Variants in PRDM1 observed in about 807,000 individuals in gnomAD.
PRDM1 encodes the protein PR domain zinc finger protein 1.
PRDM1 carries 13 observed loss-of-function variants against 62.8 expected under a neutral mutation model. That is an observed-to-expected ratio of 0.21 (90% CI 0.13 to 0.33). The LOEUF (loss-of-function observed/expected upper bound fraction) is 0.33, where lower values mean the gene tolerates loss of function less well. PRDM1 is among the 10% of genes least tolerant of loss of function. PRDM1 has a pLI of 1.00. For synonymous variants in PRDM1, 396 were observed against 417.6 expected (o/e 0.95, Z 0.63); for missense variants, 895 against 1,058.8 (o/e 0.85, Z 2.15).
At chr6:106,004,021 G>A (rs1172418519) in intron 1 of PRDM1, among the ~76,000 whole-genome samples, 2 of 152,068 alleles carry the variant, frequency 1.3e-5, no homozygotes, top group Non-Finnish European at 2.9e-5. Context: ...GTTTTTGTGG[G>A]TAATGCTCTC....
chr6:106,084,029 T>C (rs115376223), upstream of PRDM1, among the ~76,000 whole-genome samples: 1,564 of 152,334 alleles, frequency 0.01, 23 homozygotes, highest in African/African-American at 0.034. Flanking sequence ...TATGGACATG[T>C]TTTTTCCTAT....
chr6:106,100,795 C>A (rs184210381), intron 4 of PRDM1, among the ~76,000 whole-genome samples: 3 of 152,116 alleles, frequency 2.0e-5, no homozygotes, highest in Non-Finnish European at 4.4e-5. Context: ...TAGGGGAGGT[C>A]GTGTGTTTGG....
At chr6:106,025,496 TG>T (rs1772752053) in intron 1 of PRDM1, among the ~76,000 whole-genome samples, 1 of 152,212 alleles carries the variant, frequency 6.6e-6, no homozygotes. Flanking sequence ...AGTTTAGGAT[TG>T]TGTTTATTTT....
chr6:106,017,255 G>T (rs941848316), intron 1 of PRDM1, among the ~76,000 whole-genome samples: 1 of 152,120 alleles, frequency 6.6e-6, no homozygotes, highest in Non-Finnish European at 1.5e-5. Context: ...TGGACAACTT[G>T]TATTTGTTCA....
At chr6:106,025,342 A>G (rs192247622) in intron 1 of PRDM1, among the ~76,000 whole-genome samples, 4 of 152,368 alleles carry the variant, frequency 2.6e-5, no homozygotes, top group South Asian at 2.1e-4. Flanking sequence ...GACATAATCC[A>G]TAGTACAAAA....
At chr6:106,011,236 C>CA in intron 1 of PRDM1, among the ~76,000 whole-genome samples, 1 of 152,282 alleles carries the variant, frequency 6.6e-6, no homozygotes, top group Admixed American at 6.5e-5. Context: ...ACCTTTATAA[C>CA]AATCCCAGAG....
Position 106,106,549 on chromosome 6 carries a change from G to C in PRDM1, c.1902+50G>C, listed in dbSNP as rs1322427004. On this transcript the variant is annotated intron_variant, in intron 6 of 6. Transcript: ENST00000369096. This position sits in a 1 kb window ranked among gnomAD's most constrained non-coding sequence, Gnocchi z 4.4. ...CTTCTGACCTTTGTAGAAAATGTCT[G>C]TGAGTCACCCTCCCATGTCCTATAT... 2.5e-6 allele frequency: 4 copies of C among 1,609,272 alleles called. No individual in the cohort carries two copies. Among genetic ancestry groups the C allele is most frequent in the Non-Finnish European group, 3.4e-6 (4 of 1,178,068 alleles).
intron 2 of PRDM1, among the ~76,000 whole-genome samples, chr6:106,092,165 T>C (rs1028313893): frequency 1.4e-4 from 21 of 149,840 alleles, no homozygotes; most frequent in African/African-American, 5.2e-4. Context: ...ATATTGTCCT[T>C]GTTATCAGCC....
intron 1 of PRDM1, among the ~76,000 whole-genome samples, chr6:106,002,157 A>G (rs1772433574): frequency 6.6e-6 from 1 of 152,042 alleles, no homozygotes; most frequent in Non-Finnish European, 1.5e-5. Context: ...ATTTGAATTG[A>G]GATGTAGAGG....
chr6:106,093,346 G>T (rs906811016), intron 2 of PRDM1, among the ~76,000 whole-genome samples: 7 of 152,180 alleles, frequency 4.6e-5, no homozygotes, highest in Admixed American at 4.6e-4. Context: ...CTCCGTTTTG[G>T]TAATCAAGCT....
intron 1 of PRDM1, among the ~76,000 whole-genome samples, chr6:106,001,975 T>G (rs1162691208): frequency 6.6e-6 from 1 of 152,196 alleles, no homozygotes; most frequent in African/African-American, 2.4e-5. Flanking sequence ...TGAAATGCAG[T>G]ATGTGGTTGA....
chr6:106,070,639 G>A (rs1313344026), intron 1 of PRDM1, among the ~76,000 whole-genome samples: 1 of 152,128 alleles, frequency 6.6e-6, no homozygotes, highest in South Asian at 2.1e-4. Context: ...TTTCTTTTCA[G>A]AAAAGTTATA....
chr6:106,019,030 C>T (rs1772659424), intron 1 of PRDM1, among the ~76,000 whole-genome samples: 1 of 151,956 alleles, frequency 6.6e-6, no homozygotes, highest in Admixed American at 6.6e-5. Context: ...AGCACTTAGA[C>T]CGAGGCGGGT....
chr6:106,057,714 C>G lies in PRDM1; in HGVS notation c.-67+9000C>G, dbSNP rs112197087. ...ATTTGGAGTGACAGAGGATTCCTAA[C>G]AGAACCATAAATCATCTTTTAAAAT... is the stretch of plus-strand genomic sequence containing the variant. On this transcript the variant is annotated intron_variant, in intron 1 of 6. Transcript: ENST00000651185. 1.7e-3 allele frequency among the ~76,000 whole-genome samples: 252 copies of G among 152,248 alleles called. 3 individuals are homozygous for G. Among genetic ancestry groups the G allele is most frequent in the African/African-American group, 5.5e-3 (229 of 41,534 alleles).
Position 105,994,848 on chromosome 6 carries a change from G to T in PRDM1, c.-67+1209G>T, listed in dbSNP as rs1371659268. ...GTCAGCCCTCCAGTCCCGCCGCGTCGGGAATGCGAGCCCGGCCACGCGGTC... is the reference window on the plus strand; with the variant it reads ...GTCAGCCCTCCAGTCCCGCCGCGTCTGGAATGCGAGCCCGGCCACGCGGTC... On this transcript the variant is annotated intron_variant, in intron 1 of 6. Coordinates refer to the PRDM1 transcript ENST00000652320. This position sits in a 1 kb window ranked among gnomAD's most constrained non-coding sequence, Gnocchi z 4.1. Among the ~76,000 whole-genome samples, 1 of 152,222 alleles carries T rather than the reference G, an allele frequency of 6.6e-6. No individual in the cohort carries two copies. The highest frequency in any genetic ancestry group is 2.4e-5 in the African/African-American group (1 of 41,466).
chr6:106,084,995 C>T (rs181892418), upstream of PRDM1, among the ~76,000 whole-genome samples: 59 of 152,258 alleles, frequency 3.9e-4, no homozygotes, highest in Admixed American at 2.0e-3. Flanking sequence ...GCCTCTCCCC[C>T]TCTCCCCTAA....
At chr6:106,025,839 T>C (rs529331714) in intron 1 of PRDM1, among the ~76,000 whole-genome samples, 1 of 152,366 alleles carries the variant, frequency 6.6e-6, no homozygotes, top group South Asian at 2.1e-4. Flanking sequence ...TGTTTAGTCA[T>C]GGAGAGTAAT....
chr6:106,107,055 C>A lies in PRDM1; in HGVS notation c.2047C>A (p.Arg683=), dbSNP rs200326607. ...HLKLHKRLHT[R]ERPHKCSQCH... Reference sequence around the variant, plus strand: ...GAAACTGCACAAGCGTCTGCACACCCGGGAGCGGCCCCACAAGTGCTCCCA... The same window carrying A: ...GAAACTGCACAAGCGTCTGCACACCAGGGAGCGGCCCCACAAGTGCTCCCA... Residue 683 remains arginine (R), a synonymous_variant, in exon 7 of 7, where the codon CGG becomes AGG. Coordinates refer to ENST00000369096, the MANE Select transcript of PRDM1 (RefSeq NM_001198.4). 6.2e-7 allele frequency: 1 copy of A among 1,614,204 alleles called. No individual in the cohort carries two copies. Among genetic ancestry groups the A allele is most frequent in the Admixed American group, 1.7e-5 (1 of 60,030 alleles).
chr6:106,098,868 A>ACGTC, intron 3 of PRDM1: 1 of 1,516,584 alleles, frequency 6.6e-7, no homozygotes, highest in Non-Finnish European at 8.9e-7. Flanking sequence ...ACTCAGTTTG[A>ACGTC]CGTCGTCAGC....
Sources: gnomAD v4.1 joint callset for allele counts (sites outside exome capture counted in the v4.1 genomes callset) on GRCh38, gnomAD v4.1.1 for gene constraint, Gnocchi (gnomAD v3.1) non-coding constraint, MANE v1.5 for transcripts, NCBI Gene and HGNC (gene_info 2026-07-23, HGNC 2026-07-21) for gene names.